PCSK5: variants seen among roughly 807,000 people sequenced by gnomAD.
PCSK5 encodes the protein prohormone convertase 5.
Under a neutral mutation model 233.2 loss-of-function variants are expected in PCSK5, and 129 were observed. That is an observed-to-expected ratio of 0.55 (90% confidence interval 0.48 to 0.64). The LOEUF is 0.64. Ranked by LOEUF, PCSK5 falls within the 30% of genes least tolerant of loss-of-function variation. The pLI, the probability that PCSK5 is intolerant of heterozygous loss-of-function variation, is 0.00. For synonymous variants in PCSK5, 825 were observed against 879.2 expected, an observed-to-expected ratio of 0.94 and a Z score of 1.09; for missense variants, 2,076 against 2,430.1, an observed-to-expected ratio of 0.85 and a Z score of 3.06.
At chr9:76,296,565 G>C in intron 26 of PCSK5, 100 bp from the exon 27 acceptor site, 1 of 714,006 alleles carries the variant, frequency 1.4e-6, no homozygotes, top group Non-Finnish European at 2.4e-6. Flanking sequence ...AAAAACAAAT[G>C]CAAAGAAAAA....
Position 76,238,996 on chromosome 9 carries a change from G to A in PCSK5, c.2904G>A (p.Glu968=). The A allele has an allele frequency of 4.3e-6, 7 of 1,612,396 alleles. No individual in the cohort carries two copies. The highest frequency in any genetic ancestry group is 5.9e-6 in the Non-Finnish European group (7 of 1,179,746). Residue 968 remains glutamate (E), a synonymous_variant, in exon 23 of 38, where the codon GAG becomes GAA. Transcript: ENST00000674117. ...GAGAGCACTTCCTGTACCAGGGAGA[G>A]TGTGGAGATAGCTGCCCAGAGGGCC... The part of the protein sequence containing the change: ...YGREHFLYQG[E]CGDSCPEGHY...
At chr9:76,209,244 A>G (rs1825236126) in intron 20 of PCSK5, among the ~76,000 whole-genome samples, 1 of 152,100 alleles carries the variant, frequency 6.6e-6, no homozygotes, top group Admixed American at 6.5e-5. Flanking sequence ...CTTTCTTTTG[A>G]GTTATATTGT....
chr9:76,307,161 A>G (rs1226865155), intron 28 of PCSK5, among the ~76,000 whole-genome samples: 1 of 151,630 alleles, frequency 6.6e-6, no homozygotes, highest in Non-Finnish European at 1.5e-5. Flanking sequence ...GGAAAGTAGG[A>G]TTCTGAGAGT....
intron 1 of PCSK5, among the ~76,000 whole-genome samples, chr9:75,904,687 G>T (rs186837799): frequency 2.7e-4 from 41 of 152,296 alleles, no homozygotes; most frequent in Middle Eastern, 3.4e-3. Context: ...TTTACAATGG[G>T]AATGTGCTAA....
intron 5 of PCSK5, among the ~76,000 whole-genome samples, chr9:76,032,380 G>C (rs1263225328): frequency 2.0e-5 from 3 of 152,130 alleles, no homozygotes; most frequent in Non-Finnish European, 4.4e-5. Flanking sequence ...AATTTAGTAA[G>C]AAACTCTAAT....
At chr9:76,033,438 C>A (rs1048442237) in intron 5 of PCSK5, among the ~76,000 whole-genome samples, 1 of 151,964 alleles carries the variant, frequency 6.6e-6, no homozygotes, top group Non-Finnish European at 1.5e-5. Flanking sequence ...AAATTTTTTT[C>A]TCTAATACTT....
intron 3 of PCSK5, among the ~76,000 whole-genome samples, chr9:75,994,281 G>A (rs909770686): frequency 6.6e-6 from 1 of 151,588 alleles, no homozygotes; most frequent in South Asian, 2.1e-4. Flanking sequence ...TGAGTCAGTT[G>A]CCATCTTTCC....
At chr9:76,063,312 C>CTTCT in intron 5 of PCSK5, among the ~76,000 whole-genome samples, 1 of 37,958 alleles carries the variant, frequency 2.6e-5, no homozygotes, top group Non-Finnish European at 5.4e-5. Context: ...TGGCTAATTT[C>CTTCT]TTTTTTCTTT....
chr9:76,066,592 C>A (rs898980557), intron 5 of PCSK5, among the ~76,000 whole-genome samples: 1 of 152,078 alleles, frequency 6.6e-6, no homozygotes. Context: ...TAGACAGATA[C>A]ACACACACTA....
At chr9:76,080,372 C>T (rs1029579200) in intron 7 of PCSK5, among the ~76,000 whole-genome samples, 1 of 152,166 alleles carries the variant, frequency 6.6e-6, no homozygotes, top group Non-Finnish European at 1.5e-5. Flanking sequence ...ATTATACCTC[C>T]TTCTATTGAT....
chr9:76,274,110 T>A (rs979232317), intron 24 of PCSK5, among the ~76,000 whole-genome samples: 1 of 152,062 alleles, frequency 6.6e-6, no homozygotes, highest in African/African-American at 2.4e-5. Context: ...TTAACCACCC[T>A]TTCCTGTTTT....
At chr9:75,992,803 T>G (rs1826828636) in intron 3 of PCSK5, among the ~76,000 whole-genome samples, 1 of 152,216 alleles carries the variant, frequency 6.6e-6, no homozygotes, top group Admixed American at 6.5e-5. Flanking sequence ...TCATTTTTGA[T>G]GCACTACCTC....
rs745715735 is a variant in PCSK5 at position 76,071,731 on chromosome 9, C to G, written c.727C>G (p.Arg243Gly). Reference protein sequence around the residue: ...IAFNAKIGGVRMLDGDVTDMV... With the variant: ...IAFNAKIGGVGMLDGDVTDMV... ...TTCTCCTTTCTGTGTTGAAGGAGTGCGAATGCTGGACGGAGATGTCACGGA... is the reference window on the plus strand; with the variant it reads ...TTCTCCTTTCTGTGTTGAAGGAGTGGGAATGCTGGACGGAGATGTCACGGA... Residue 243 changes from arginine to glycine, a missense_variant, in exon 7 of 38, where the codon CGA (arginine) becomes GGA (glycine). Physicochemically the swap from Arg to Gly is moderately radical, Grantham distance 125. This residue lies in a region of PCSK5 where 178 missense variants were observed against 393.6 expected (regional missense o/e 0.45). Coordinates refer to ENST00000674117, the MANE Select transcript of PCSK5 (RefSeq NM_001372043.1). 1.2e-6 allele frequency: 2 copies of G among 1,610,178 alleles called. No homozygotes were observed. Among genetic ancestry groups the G allele is most frequent in the Non-Finnish European group, 1.7e-6 (2 of 1,178,142 alleles).
In PCSK5 at chr9:75,945,058, G is replaced by A. The variant is rs151140937; in HGVS notation, c.297+12575G>A. Among the ~76,000 whole-genome samples, 519 of 150,936 alleles carry A rather than the reference G, an allele frequency of 3.4e-3. 3 individuals are homozygous for A. Among genetic ancestry groups the A allele is most frequent in the African/African-American group, 7.2e-3 (295 of 41,054 alleles). On this transcript the variant is annotated intron_variant, in intron 2 of 37. Coordinates refer to ENST00000674117, the MANE Select transcript of PCSK5 (RefSeq NM_001372043.1). Reference sequence around the variant, plus strand: ...CGGGAGGTGGAGGTTGTGGTGAGCCGAGATCACACCACTGCACTCCAGCCC... The same window carrying A: ...CGGGAGGTGGAGGTTGTGGTGAGCCAAGATCACACCACTGCACTCCAGCCC...
intron 5 of PCSK5, among the ~76,000 whole-genome samples, chr9:76,060,328 ATATTC>A (rs1337649677): frequency 6.6e-6 from 1 of 152,230 alleles, no homozygotes; most frequent in Non-Finnish European, 1.5e-5. Context: ...ATTATATACT[ATATTC>A]TTACAATTAA....
intron 2 of PCSK5, among the ~76,000 whole-genome samples, chr9:75,942,431 C>T (rs1824354043): frequency 6.6e-6 from 1 of 152,192 alleles, no homozygotes. Context: ...CTGATGCTCA[C>T]ATGGCCACAC....
rs768288707 is a variant in PCSK5 at position 76,230,391 on chromosome 9, A to C, written c.2729+2786A>C. On this transcript the variant is annotated intron_variant, in intron 21 of 37. Coordinates refer to ENST00000674117, the MANE Select transcript of PCSK5 (RefSeq NM_001372043.1). ...GTCAAAAAGACAGCCCCTTTCCTACATAAACATGGAAGGGTTCTATATCTG... is the reference window on the plus strand; with the variant it reads ...GTCAAAAAGACAGCCCCTTTCCTACCTAAACATGGAAGGGTTCTATATCTG... 2.0e-5 allele frequency among the ~76,000 whole-genome samples: 3 copies of C among 152,248 alleles called. No homozygotes were observed. The South Asian group carries it at 6.2e-4, about 32-fold the overall frequency.
intron 13 of PCSK5, 138 bp from the exon 14 acceptor site, chr9:76,174,848 T>G: frequency 1.5e-6 from 1 of 685,358 alleles, no homozygotes. Flanking sequence ...TTTCTAGCTC[T>G]GCGTTTGATG....
At chr9:76,079,627 C>G (rs1302841503) in intron 7 of PCSK5, among the ~76,000 whole-genome samples, 1 of 152,206 alleles carries the variant, frequency 6.6e-6, no homozygotes, top group East Asian at 1.9e-4. Context: ...AATAGTTTGA[C>G]TTCTTTTCCT....
Sources: allele counts gnomAD v4.1 joint callset (sites outside exome capture counted in the v4.1 genomes callset), GRCh38; gene constraint gnomAD v4.1.1; regional missense constraint gnomAD v4.1.1; transcripts MANE v1.5; gene names NCBI Gene and HGNC (gene_info 2026-07-23, HGNC 2026-07-21).